The following ROCK2 variants were observed in gnomAD, a reference collection of about 807,000 sequenced individuals.
The protein encoded by ROCK2 is rho-associated protein kinase 2.
ROCK2 carries 61 observed loss-of-function variants against 195.1 expected under a neutral mutation model. That is an observed-to-expected ratio of 0.31 (90% CI 0.25 to 0.39). The LOEUF (loss-of-function observed/expected upper bound fraction) is 0.39. Ranked by LOEUF, ROCK2 falls within the 10% of genes least tolerant of loss-of-function variation. ROCK2 has a pLI of 1.00. For synonymous variants in ROCK2, 504 were observed against 545.5 expected, an observed-to-expected ratio of 0.92 and a Z score of 1.06; for missense variants, 1,109 against 1,637.4, an observed-to-expected ratio of 0.68 and a Z score of 5.57.
At chr2:11,327,865 C>T (rs72789544) in intron 1 of ROCK2, among the ~76,000 whole-genome samples, 6,475 of 152,272 alleles carry the variant, frequency 0.043, 281 homozygotes, top group Non-Finnish European at 0.06. Flanking sequence ...GCCCGGCCAA[C>T]TGTCCGTTTT....
Position 11,181,182 on chromosome 2 carries a change from ATAT to A in ROCK2, c.*2252_*2254del, listed in dbSNP as rs1014051679. ...TTCACCTTAATAAAGTTTATTAAAA[ATAT>A]ATATATATATATATATATATATATA... On this transcript the variant is annotated 3_prime_UTR_variant, in exon 33 of 33. Coordinates refer to ENST00000315872, the MANE Select transcript of ROCK2 (RefSeq NM_004850.5). 5 of 17,408 alleles carry A rather than the reference ATAT, an allele frequency of 2.9e-4. No individual in the cohort carries two copies. Among genetic ancestry groups the A allele is most frequent in the East Asian group, 1.7e-3 (1 of 588 alleles). 1.1% of individuals were successfully genotyped at this position (17,408 alleles called of 1,614,324 possible).
chr2:11,302,328 T>C (rs563797297), intron 1 of ROCK2, among the ~76,000 whole-genome samples: 3 of 152,062 alleles, frequency 2.0e-5, no homozygotes, highest in African/African-American at 7.2e-5. Context: ...TGTTGTTTTT[T>C]TTTTCTTTTG....
chr2:11,255,265 C>A (rs890974632), intron 3 of ROCK2, among the ~76,000 whole-genome samples: 1 of 146,538 alleles, frequency 6.8e-6, no homozygotes, highest in Non-Finnish European at 1.5e-5. Context: ...TCTTTCCACA[C>A]ATCTACATTT....
At chr2:11,222,523 A>G (rs1664671155) in intron 7 of ROCK2, among the ~76,000 whole-genome samples, 1 of 152,206 alleles carries the variant, frequency 6.6e-6, no homozygotes, top group African/African-American at 2.4e-5. Flanking sequence ...ACATAGGTCT[A>G]ACTTTCGGCA....
intron 27 of ROCK2, chr2:11,195,233 T>G (rs1663584251): frequency 3.0e-6 from 1 of 328,564 alleles, no homozygotes; most frequent in African/African-American, 2.1e-5. Flanking sequence ...TATATCATAT[T>G]GGAAACAGAT....
chr2:11,324,218 C>T (rs182858856), intron 1 of ROCK2, among the ~76,000 whole-genome samples: 1 of 152,234 alleles, frequency 6.6e-6, no homozygotes, highest in African/African-American at 2.4e-5. Flanking sequence ...TGGAGGATCA[C>T]GAGGTCAAGA....
Position 11,239,293 on chromosome 2 carries a change from G to A in ROCK2, c.463-3331C>T, listed in dbSNP as rs577517470. Among the ~76,000 whole-genome samples the A allele has an allele frequency of 2.3e-4, 35 of 152,120 alleles. 1 individual carries two copies. The South Asian group carries it at 7.1e-3, about 31-fold the overall frequency. ...GAGAAGATGAACCACAGGTTGGGAG[G>A]AAATATTTACAAGTGATATATATAT... is the stretch of plus-strand genomic sequence containing the variant. On this transcript the variant is annotated intron_variant, in intron 4 of 32. Coordinates refer to ENST00000315872, the MANE Select transcript of ROCK2 (RefSeq NM_004850.5).
At chr2:11,332,150 A>C (rs933574618) in intron 1 of ROCK2, among the ~76,000 whole-genome samples, 2 of 152,110 alleles carry the variant, frequency 1.3e-5, no homozygotes, top group African/African-American at 4.8e-5. Flanking sequence ...TTAAAAAAAA[A>C]ACCTTTTTTT....
intron 32 of ROCK2, among the ~76,000 whole-genome samples, chr2:11,188,101 T>C (rs755293494): frequency 2.0e-5 from 3 of 146,764 alleles, no homozygotes; most frequent in Non-Finnish European, 4.5e-5. Flanking sequence ...AACTGGTATA[T>C]AATTTTTTTT....
At chr2:11,324,729 A>G (rs1026679162) in intron 1 of ROCK2, among the ~76,000 whole-genome samples, 4 of 152,226 alleles carry the variant, frequency 2.6e-5, no homozygotes, top group African/African-American at 9.7e-5. Flanking sequence ...CAGAAATCTA[A>G]CAAGTTAGTA....
intron 3 of ROCK2, among the ~76,000 whole-genome samples, chr2:11,260,827 C>T (rs1225126109): frequency 3.9e-5 from 6 of 152,124 alleles, no homozygotes; most frequent in African/African-American, 1.4e-4. Context: ...TAAAATCACA[C>T]AAGATAGGCA....
intron 1 of ROCK2, among the ~76,000 whole-genome samples, chr2:11,343,061 C>T (rs554272838): frequency 2.0e-5 from 3 of 152,316 alleles, no homozygotes; most frequent in East Asian, 3.8e-4. Context: ...CTAAGGACCT[C>T]CCACCCTAGT....
intron 20 of ROCK2, among the ~76,000 whole-genome samples, chr2:11,205,065 G>A (rs1664001081): frequency 6.6e-6 from 1 of 152,164 alleles, no homozygotes; most frequent in Admixed American, 6.5e-5. Flanking sequence ...TTAAAAGCCA[G>A]CATTAAGCAA....
chr2:11,267,465 G>A (rs908003678), intron 3 of ROCK2, among the ~76,000 whole-genome samples: 6 of 150,306 alleles, frequency 4.0e-5, no homozygotes, highest in Admixed American at 2.7e-4. Context: ...CCCGACCACA[G>A]TACCAAAATT....
chr2:11,341,484 G>C (rs1482873002), intron 1 of ROCK2, among the ~76,000 whole-genome samples: 1 of 152,124 alleles, frequency 6.6e-6, no homozygotes, highest in African/African-American at 2.4e-5. Flanking sequence ...CACTTTACAC[G>C]TTATCTCATA....
rs1425119117 is a variant in ROCK2, at chr2:11,249,857, AGAT to A, written c.325-62_325-60del. On this transcript the variant is annotated intron_variant, in intron 3 of 32. Coordinates refer to ENST00000315872, the MANE Select transcript of ROCK2 (RefSeq NM_004850.5). ...TTCATGTTATGAGAGAAAGGTAAAT[AGAT>A]GATACTATAATGCTATTATTAAAGA... 1.1e-5 allele frequency: 15 copies of A among 1,314,262 alleles called. No individual in the cohort carries two copies. The African/African-American group carries it at 1.7e-4, about 14-fold the overall frequency. 81.4% of individuals were successfully genotyped at this position (1,314,262 alleles called of 1,614,324 possible).
chr2:11,284,625 G>A (rs1667123568), intron 3 of ROCK2, among the ~76,000 whole-genome samples: 1 of 151,960 alleles, frequency 6.6e-6, no homozygotes. Context: ...AAATATTACA[G>A]GTATGGTCCA....
chr2:11,251,311 A>C (rs573568165), intron 3 of ROCK2, among the ~76,000 whole-genome samples: 1 of 152,378 alleles, frequency 6.6e-6, no homozygotes, highest in South Asian at 2.1e-4. Context: ...GGCACATAAT[A>C]ACCTTTCAAT....
intron 3 of ROCK2, among the ~76,000 whole-genome samples, chr2:11,280,430 C>T (rs1338213307): frequency 1.3e-5 from 2 of 151,034 alleles, no homozygotes; most frequent in Non-Finnish European, 2.9e-5. Context: ...TCTAGACCAG[C>T]CTGGGCAACA....
Sources: gnomAD v4.1 joint callset for allele counts (sites outside exome capture counted in the v4.1 genomes callset) on GRCh38, gnomAD v4.1.1 for gene constraint, MANE v1.5 for transcripts, NCBI Gene and HGNC (gene_info 2026-07-23, HGNC 2026-07-21) for gene names.